Variants in SCHIP1 observed in about 807,000 individuals in gnomAD.
The protein encoded by SCHIP1 is schwannomin-interacting protein 1.
SCHIP1 carries 8 observed loss-of-function variants against 29.7 expected under a neutral mutation model. The ratio of observed to expected loss-of-function variants is 0.27; its 90% CI spans 0.16 to 0.49. SCHIP1 has a LOEUF of 0.49. Ranked by LOEUF, SCHIP1 falls within the 20% of genes least tolerant of loss-of-function variation. The probability of loss-of-function intolerance (pLI) is 0.99; values close to 1 mark genes in which losing one functional copy is unlikely to be tolerated. For missense variants in SCHIP1, 193 were observed against 294.6 expected, an observed-to-expected ratio of 0.66 and a Z score of 2.52; for synonymous variants, 76 against 94.9, an observed-to-expected ratio of 0.80 and a Z score of 1.16.
chr3:159,311,976 G>C, the SCHIP1 span, among the ~76,000 whole-genome samples: 1 of 152,120 alleles, frequency 6.6e-6, no homozygotes, highest in African/African-American at 2.4e-5. Flanking sequence ...GGAAGATATA[G>C]TCATACCAAA....
At chr3:159,837,548 C>T (rs916820786), upstream of SCHIP1, among the ~76,000 whole-genome samples, 1 of 152,092 alleles carries the variant, frequency 6.6e-6, no homozygotes, top group Admixed American at 6.5e-5. Flanking sequence ...CAAGGTGAAA[C>T]CGTGCCTCTA....
intron 2 of SCHIP1, among the ~76,000 whole-genome samples, chr3:159,866,513 A>G (rs1714646495): frequency 6.6e-6 from 1 of 151,524 alleles, no homozygotes; most frequent in East Asian, 1.9e-4. Context: ...TCAGATTTTT[A>G]TATTCCATTT....
At chr3:159,590,039 G>C in the SCHIP1 span, among the ~76,000 whole-genome samples, 2 of 152,178 alleles carry the variant, frequency 1.3e-5, no homozygotes, top group East Asian at 1.9e-4. Context: ...TTCAAGTTTA[G>C]TTAGGAATCC....
the SCHIP1 span, among the ~76,000 whole-genome samples, chr3:159,377,969 G>A: frequency 0.049 from 7,451 of 152,258 alleles, 635 homozygotes; most frequent in African/African-American, 0.17. Context: ...CCTGTTATGT[G>A]GGAGCAGTGT....
the SCHIP1 span, among the ~76,000 whole-genome samples, chr3:159,737,690 C>G: frequency 1.3e-5 from 2 of 152,190 alleles, no homozygotes; most frequent in African/African-American, 4.8e-5. Flanking sequence ...GAAAAGATAT[C>G]AAACTCAGAT....
chr3:159,595,944 C>T, the SCHIP1 span, among the ~76,000 whole-genome samples: 13 of 152,040 alleles, frequency 8.6e-5, no homozygotes, highest in African/African-American at 2.9e-4. Context: ...AAGCCAAAAT[C>T]GACAAATGGG....
At chr3:159,634,618 C>T in the SCHIP1 span, among the ~76,000 whole-genome samples, 1 of 152,200 alleles carries the variant, frequency 6.6e-6, no homozygotes, top group Admixed American at 6.6e-5. Flanking sequence ...TTCTGAGTCA[C>T]TCTTGTCTAG....
At chr3:159,810,447 T>C in the SCHIP1 span, among the ~76,000 whole-genome samples, 1 of 152,202 alleles carries the variant, frequency 6.6e-6, no homozygotes, top group Admixed American at 6.5e-5. Flanking sequence ...TCCCAAAACA[T>C]TCCTCTTGCT....
chr3:159,364,602 C>T, the SCHIP1 span, among the ~76,000 whole-genome samples: 1 of 152,150 alleles, frequency 6.6e-6, no homozygotes, highest in Non-Finnish European at 1.5e-5. Flanking sequence ...GCACAACTCT[C>T]AATTACCTCA....
chr3:159,690,538 A>G, the SCHIP1 span, among the ~76,000 whole-genome samples: 2 of 152,154 alleles, frequency 1.3e-5, no homozygotes, highest in African/African-American at 4.8e-5. Flanking sequence ...AATCTTTTCA[A>G]AAAACCAACT....
At chr3:159,470,013 T>C in the SCHIP1 span, among the ~76,000 whole-genome samples, 1 of 152,128 alleles carries the variant, frequency 6.6e-6, no homozygotes, top group Admixed American at 6.6e-5. Flanking sequence ...CATTTATATA[T>C]AATACTTCAC....
chr3:159,654,802 T>TAAAAA, the SCHIP1 span, among the ~76,000 whole-genome samples: 6 of 103,740 alleles, frequency 5.8e-5, no homozygotes, highest in African/African-American at 1.1e-4. Context: ...TGACTTTAAG[T>TAAAAA]AAAAAAAAAA....
the SCHIP1 span, among the ~76,000 whole-genome samples, chr3:159,833,347 C>T: frequency 6.6e-6 from 1 of 152,198 alleles, no homozygotes; most frequent in South Asian, 2.1e-4. Flanking sequence ...CCTCTTCTTC[C>T]ATCTTCAAAG....
the SCHIP1 span, among the ~76,000 whole-genome samples, chr3:159,380,323 C>T: frequency 1.3e-5 from 2 of 152,100 alleles, no homozygotes; most frequent in Non-Finnish European, 2.9e-5. Flanking sequence ...AAACAGCTGT[C>T]GGTTGCTTTG....
At chr3:159,325,905 G>C in the SCHIP1 span, among the ~76,000 whole-genome samples, 1 of 152,042 alleles carries the variant, frequency 6.6e-6, no homozygotes, top group Non-Finnish European at 1.5e-5. Flanking sequence ...TTGCATTACT[G>C]TAGTCATGGT....
At chr3:159,379,267 G>T in the SCHIP1 span, among the ~76,000 whole-genome samples, 1 of 151,800 alleles carries the variant, frequency 6.6e-6, no homozygotes, top group Admixed American at 6.6e-5. Context: ...CAACACCCAG[G>T]CTGGAGTGCA....
chr3:159,301,986 C>T, the SCHIP1 span, among the ~76,000 whole-genome samples: 5 of 152,216 alleles, frequency 3.3e-5, no homozygotes, highest in Non-Finnish European at 5.9e-5. Flanking sequence ...TCTTCTCTTG[C>T]ATACCTTTCC....
the SCHIP1 span, among the ~76,000 whole-genome samples, chr3:159,495,852 T>C: frequency 0.026 from 3,909 of 152,230 alleles, 174 homozygotes; most frequent in African/African-American, 0.089. Flanking sequence ...GACTTCAAAC[T>C]ATACTACAAG....
chr3:159,552,029 T>C, the SCHIP1 span, among the ~76,000 whole-genome samples: 1 of 149,762 alleles, frequency 6.7e-6, no homozygotes, highest in East Asian at 2.0e-4. Flanking sequence ...AGCTGCCACA[T>C]TGCTTTTTTT....
Sources: gnomAD v4.1 joint callset for allele counts (sites outside exome capture counted in the v4.1 genomes callset) on GRCh38, gnomAD v4.1.1 for gene constraint, MANE v1.5 for transcripts, NCBI Gene and HGNC (gene_info 2026-07-23, HGNC 2026-07-21) for gene names.